MAP4K5: variants seen among roughly 807,000 people sequenced by gnomAD.
The protein encoded by MAP4K5 is mitogen-activated protein kinase kinase kinase kinase 5.
In MAP4K5, 82 loss-of-function variants were observed where a neutral mutation model predicts 135.6. The ratio of observed to expected loss-of-function variants is 0.60; its 90% CI spans 0.51 to 0.73. The LOEUF is 0.73. MAP4K5 is among the 30% of genes least tolerant of loss of function. MAP4K5 has a pLI of 0.00. For missense variants in MAP4K5, 907 were observed against 1,010.9 expected, an observed-to-expected ratio of 0.90 and a Z score of 1.39; for synonymous variants, 347 against 335.0, an observed-to-expected ratio of 1.04 and a Z score of -0.39.
At chr14:50,499,957 C>A (rs1028159996) in intron 3 of MAP4K5, among the ~76,000 whole-genome samples, 2 of 152,146 alleles carry the variant, frequency 1.3e-5, no homozygotes, top group Non-Finnish European at 2.9e-5. Context: ...TTAGGCCTTA[C>A]ATTTCTTTCC....
At chr14:50,515,719 C>T (rs944038159) in intron 2 of MAP4K5, among the ~76,000 whole-genome samples, 1 of 152,112 alleles carries the variant, frequency 6.6e-6, no homozygotes, top group African/African-American at 2.4e-5. Flanking sequence ...TATTCCACTC[C>T]TCTTGCTTCA....
intron 31 of MAP4K5, among the ~76,000 whole-genome samples, chr14:50,425,324 C>T (rs1418423125): frequency 6.6e-6 from 1 of 152,170 alleles, no homozygotes; most frequent in Non-Finnish European, 1.5e-5. Flanking sequence ...AGTTACTTAA[C>T]CACTCTGTAG....
At chr14:50,475,043 A>AAATGGATCAAATAC in intron 9 of MAP4K5, 34 bp downstream of exon 9, 2 of 1,557,008 alleles carry the variant, frequency 1.3e-6, no homozygotes, top group Non-Finnish European at 1.8e-6. Flanking sequence ...GAAGAAATGA[A>AAATGGATCAAATAC]AATGGATCAA....
chr14:50,523,406 A>G lies in MAP4K5; in HGVS notation c.108+8536T>C, dbSNP rs562628709. On this transcript the variant is annotated intron_variant, in intron 2 of 32. Coordinates refer to ENST00000682126, the MANE Select transcript of MAP4K5 (RefSeq NM_006575.6). The stretch of plus-strand genomic sequence containing the variant: ...TGATGGCCATGCTTGTGTCTTAGAT[A>G]ATATGCCTGCCCCTAAGCTTAGAAT... Among the ~76,000 whole-genome samples the G allele has an allele frequency of 8.6e-4, 131 of 152,300 alleles. 1 individual carries two copies. Among genetic ancestry groups the G allele is most frequent in the Admixed American group, 8.4e-3 (129 of 15,296 alleles).
chr14:50,514,778 G>A (rs149797255), intron 2 of MAP4K5, among the ~76,000 whole-genome samples: 1 of 152,168 alleles, frequency 6.6e-6, no homozygotes, highest in Non-Finnish European at 1.5e-5. Context: ...AAACTACCTT[G>A]CATTAAGGGA....
intron 2 of MAP4K5, among the ~76,000 whole-genome samples, chr14:50,509,673 TA>T (rs58110395): frequency 0.068 from 9,845 of 144,490 alleles, 294 homozygotes; most frequent in Middle Eastern, 0.083. Context: ...GAACTGGAAT[TA>T]AAAAAAAAAA....
intron 2 of MAP4K5, among the ~76,000 whole-genome samples, chr14:50,527,257 T>C (rs2038286436): frequency 6.6e-6 from 1 of 152,134 alleles, no homozygotes; most frequent in Admixed American, 6.5e-5. Context: ...GAGAATCACC[T>C]GAACCAGGGA....
At chr14:50,506,908 G>A (rs933871527) in intron 2 of MAP4K5, among the ~76,000 whole-genome samples, 5 of 152,114 alleles carry the variant, frequency 3.3e-5, no homozygotes, top group African/African-American at 1.2e-4. Flanking sequence ...AGAACTGTCT[G>A]TTAGCCTCAC....
At chr14:50,532,255 A>C (rs35245386) in intron 1 of MAP4K5, 97 bp from the exon 2 acceptor site, 480,533 of 527,694 alleles carry the variant, frequency 0.91, 221,157 homozygotes, top group Non-Finnish European at 0.94. Flanking sequence ...CCGTCCCGCC[A>C]GGGGCCGTGG....
chr14:50,518,299 C>T (rs1023178063), intron 2 of MAP4K5, among the ~76,000 whole-genome samples: 41 of 152,116 alleles, frequency 2.7e-4, no homozygotes, highest in African/African-American at 8.9e-4. Flanking sequence ...TTACAGGATA[C>T]ATGTGCAGAA....
intron 2 of MAP4K5, among the ~76,000 whole-genome samples, chr14:50,520,315 A>C (rs1477338731): frequency 6.6e-6 from 1 of 152,222 alleles, no homozygotes; most frequent in African/African-American, 2.4e-5. Context: ...CCTGGGCAAC[A>C]TGGTGAAACC....
intron 31 of MAP4K5, among the ~76,000 whole-genome samples, 184 bp from the exon 32 acceptor site, chr14:50,423,360 G>A (rs1272455190): frequency 6.6e-6 from 1 of 150,712 alleles, no homozygotes; most frequent in Non-Finnish European, 1.5e-5. Flanking sequence ...CACATTTATG[G>A]AACATCTAGT....
rs57651486 is a variant in MAP4K5, at chr14:50,441,743, T to TAC, written c.1564+987_1564+988dup. ...CTGTCTCTAAAAAAAAATTATTTTATACACACACACACACACACACACACA... is the reference window on the plus strand; with the variant it reads ...CTGTCTCTAAAAAAAAATTATTTTATACACACACACACACACACACACACACA... On this transcript the variant is annotated intron_variant, in intron 21 of 32. Coordinates refer to ENST00000682126, the MANE Select transcript of MAP4K5 (RefSeq NM_006575.6). Among the ~76,000 whole-genome samples, 492 of 141,602 alleles carry TAC rather than the reference T, an allele frequency of 3.5e-3. 2 individuals are homozygous for TAC. Among genetic ancestry groups the TAC allele is most frequent in the African/African-American group, 8.7e-3 (329 of 37,842 alleles). 92.9% of individuals were successfully genotyped at this position (141,602 alleles called of 152,430 possible).
intron 6 of MAP4K5, among the ~76,000 whole-genome samples, chr14:50,476,606 A>G (rs1230199421): frequency 6.6e-6 from 1 of 152,108 alleles, no homozygotes; most frequent in Non-Finnish European, 1.5e-5. Context: ...GATTACAGGC[A>G]TGCGCCACTA....
At chr14:50,557,555 G>A (rs79201618) in intron 1 of MAP4K5, among the ~76,000 whole-genome samples, 4,267 of 152,096 alleles carry the variant, frequency 0.028, 186 homozygotes, top group African/African-American at 0.097. Context: ...ATTCTATTGC[G>A]TATATGTATT....
chr14:50,491,857 T>C (rs574214488), intron 3 of MAP4K5, among the ~76,000 whole-genome samples: 16 of 152,076 alleles, frequency 1.1e-4, no homozygotes, highest in African/African-American at 3.1e-4. Context: ...AGCTAATTTT[T>C]TGTATTCTTT....
chr14:50,532,214 C>T, intron 1 of MAP4K5, 56 bp from the exon 2 acceptor site: 1 of 570,922 alleles, frequency 1.8e-6, no homozygotes, highest in Non-Finnish European at 3.1e-6. Context: ...CCCCCAGCGG[C>T]CCGCGCCCTC....
At position 50,419,762 on chromosome 14, in the gene MAP4K5, G is replaced by A; in HGVS notation, c.*257C>T. The A allele has an allele frequency of 2.9e-6, 1 of 348,674 alleles. No homozygotes were observed. The highest frequency in any genetic ancestry group is 5.2e-6 in the Non-Finnish European group (1 of 191,064). The allele number at this position is 348,674 out of a possible 1,614,324, so 21.6% of individuals were successfully genotyped here. A position where few individuals can be genotyped will look rare whatever the true frequency, so the allele number is the denominator to read the frequency against. On this transcript the variant is annotated 3_prime_UTR_variant, in exon 33 of 33. Coordinates refer to ENST00000682126, the MANE Select transcript of MAP4K5 (RefSeq NM_006575.6). ...ATTGTTTTTTTTAAAAAAAGACTGT[G>A]TTTCCTGGAACTAGAGGACTATTTG... is the stretch of plus-strand genomic sequence containing the variant.
At chr14:50,506,719 A>C (rs1283553317) in intron 2 of MAP4K5, among the ~76,000 whole-genome samples, 1 of 152,132 alleles carries the variant, frequency 6.6e-6, no homozygotes, top group Non-Finnish European at 1.5e-5. Flanking sequence ...TTCCTCACTA[A>C]ATCTACTGAA....
Sources: allele counts gnomAD v4.1 joint callset (sites outside exome capture counted in the v4.1 genomes callset), GRCh38; gene constraint gnomAD v4.1.1; transcripts MANE v1.5; gene names NCBI Gene and HGNC (gene_info 2026-07-23, HGNC 2026-07-21).